MTR: variants seen among roughly 807,000 people sequenced by gnomAD.
The protein encoded by MTR is 5-methyltetrahydrofolate-homocysteine methyltransferase, also known as methionine synthase.
A neutral mutation model predicts 154.8 loss-of-function variants in MTR; 84 were observed. The ratio of observed to expected loss-of-function variants is 0.54; its 90% CI spans 0.45 to 0.65. The LOEUF is 0.65. Among genes scored for constraint, MTR ranks in the 30% least tolerant of loss-of-function variants. MTR has a pLI of 0.00. For missense variants in MTR, 1,275 were observed against 1,570.2 expected (o/e 0.81, Z 3.18); for synonymous variants, 554 against 553.9 (o/e 1.00, Z 0.00).
Position 236,884,775 on chromosome 1 carries a change from G to A in MTR, c.2677-346G>A, listed in dbSNP as rs1558338004. 4.6e-5 allele frequency among the ~76,000 whole-genome samples: 7 copies of A among 152,028 alleles called. 1 individual carries two copies. In the South Asian group the frequency reaches 1.5e-3, roughly 32 times the overall value. On this transcript the variant is annotated intron_variant, in intron 25 of 32. Transcript: ENST00000366577. ...GCAGAGGTCAAACATAAGCATGAGCGAAGGTCCCCCACCATAAATCAGACT... is the reference window on the plus strand; with the variant it reads ...GCAGAGGTCAAACATAAGCATGAGCAAAGGTCCCCCACCATAAATCAGACT...
chr1:236,846,418 C>T (rs1393546103), intron 15 of MTR, among the ~76,000 whole-genome samples: 1 of 152,150 alleles, frequency 6.6e-6, no homozygotes, highest in Non-Finnish European at 1.5e-5. Flanking sequence ...TTTGTTTGCA[C>T]ATGTGTAAAC....
intron 8 of MTR, among the ~76,000 whole-genome samples, chr1:236,818,101 G>A (rs186512499): frequency 1.3e-5 from 2 of 151,924 alleles, no homozygotes; most frequent in East Asian, 1.9e-4. Context: ...CTCTTTTCCC[G>A]CCCCTTTGCT....
rs1303797715 is a variant in MTR, at chr1:236,900,393, A to G, written c.*2749A>G. ...ATATGTAGTCTAAGCATACGTATAC[A>G]ATAAAACTATGCTATTAAAAAAAAA... On this transcript the variant is annotated 3_prime_UTR_variant, in exon 33 of 33. Transcript: ENST00000366577. 3 of 108,746 alleles carry G rather than the reference A, an allele frequency of 2.8e-5. No homozygotes were observed. Among genetic ancestry groups the G allele is most frequent in the African/African-American group, 1.2e-4 (3 of 26,026 alleles). The allele number at this position is 108,746 out of a possible 1,614,324, so 6.7% of individuals were successfully genotyped here.
intron 1 of MTR, among the ~76,000 whole-genome samples, chr1:236,802,697 T>C (rs974126119): frequency 1.3e-5 from 2 of 151,490 alleles, no homozygotes; most frequent in Non-Finnish European, 2.9e-5. Flanking sequence ...AAGTAGAAAT[T>C]GGGACAGTAG....
chr1:236,798,377 A>AC (rs964717300), intron 1 of MTR, among the ~76,000 whole-genome samples: 2 of 151,996 alleles, frequency 1.3e-5, no homozygotes, highest in African/African-American at 4.8e-5. Context: ...TAGCTGGTCT[A>AC]CCCCCCTCCA....
chr1:236,840,315 ATTC>A (rs777291934), intron 15 of MTR, among the ~76,000 whole-genome samples: 10 of 152,214 alleles, frequency 6.6e-5, no homozygotes, highest in Non-Finnish European at 1.3e-4. Context: ...GTGGGTATGT[ATTC>A]TTGTTATTTT....
At chr1:236,887,628 G>A (rs1666088977) in intron 27 of MTR, among the ~76,000 whole-genome samples, 1 of 152,360 alleles carries the variant, frequency 6.6e-6, no homozygotes, top group East Asian at 1.9e-4. Context: ...ACCTGGCAGC[G>A]GTTGGGATGC....
chr1:236,887,024 A>G (rs567681474), intron 27 of MTR, among the ~76,000 whole-genome samples: 4 of 152,130 alleles, frequency 2.6e-5, no homozygotes, highest in Non-Finnish European at 5.9e-5. Flanking sequence ...CTTGCCTCAT[A>G]TAGGTGTTCA....
In MTR at chr1:236,897,639, GA is replaced by G; in HGVS notation, c.3794del (p.Asp1265AlafsTer21). The G allele has an allele frequency of 6.2e-7, 1 of 1,604,754 alleles. No individual in the cohort carries two copies. The highest frequency in any genetic ancestry group is 8.5e-7 in the Non-Finnish European group (1 of 1,173,660). On this transcript the variant is annotated frameshift_variant, in exon 33 of 33. Transcript: ENST00000366577. LOFTEE classifies it high-confidence loss of function. ...WLGPILGYDTD is the reference protein window; with the variant it reads ...WLGPILGYDTX ...TGGACCCATTTTGGGATATGATACA[GA>G]CTAACTTTTTTTTTTTTTTTGCCTT... is the stretch of plus-strand genomic sequence containing the variant.
At chr1:236,832,731 C>G (rs575007280) in intron 13 of MTR, among the ~76,000 whole-genome samples, 13 of 152,240 alleles carry the variant, frequency 8.5e-5, no homozygotes, top group African/African-American at 2.9e-4. Context: ...TCCAACTTTC[C>G]TCACTTTTTT....
chr1:236,863,858 G>A (rs1479718065), intron 22 of MTR, among the ~76,000 whole-genome samples: 3 of 152,074 alleles, frequency 2.0e-5, no homozygotes, highest in Admixed American at 1.3e-4. Context: ...GCTAATAGCC[G>A]GAATATCAGG....
chr1:236,848,297 C>T (rs1474425114), intron 15 of MTR, among the ~76,000 whole-genome samples: 3 of 152,104 alleles, frequency 2.0e-5, no homozygotes, highest in African/African-American at 7.2e-5. Context: ...CCCTGCTTGG[C>T]CAGATAATAT....
chr1:236,830,373 C>T (rs1378808377), intron 12 of MTR, among the ~76,000 whole-genome samples: 1 of 151,810 alleles, frequency 6.6e-6, no homozygotes, highest in Non-Finnish European at 1.5e-5. Context: ...AAACATTCAG[C>T]CTTTGCCAAA....
intron 22 of MTR, among the ~76,000 whole-genome samples, chr1:236,868,567 A>G (rs1174520883): frequency 6.6e-6 from 1 of 152,224 alleles, no homozygotes. Flanking sequence ...AATTTTACAT[A>G]TACTCTGTAA....
At chr1:236,871,644 C>CT (rs1558326829) in intron 22 of MTR, among the ~76,000 whole-genome samples, 1 of 152,034 alleles carries the variant, frequency 6.6e-6, no homozygotes, top group Non-Finnish European at 1.5e-5. Flanking sequence ...AGGTACTAGA[C>CT]TTTCTTCAAT....
chr1:236,891,129 A>G lies in MTR; in HGVS notation c.3008-4A>G, dbSNP rs1224783275. On this transcript the variant is annotated splice_polypyrimidine_tract_variant and splice_region_variant and intron_variant, in intron 28 of 32. Transcript: ENST00000366577. The stretch of plus-strand genomic sequence containing the variant: ...AGTGAATTCTAATTCTGTTTTTCTA[A>G]TAGGTGGAGAGGCCAGGAAGGTCTA... 6 of 1,614,088 alleles carry G rather than the reference A, an allele frequency of 3.7e-6. No homozygotes were observed. Among genetic ancestry groups the G allele is most frequent in the Admixed American group, 1.7e-5 (1 of 60,014 alleles).
chr1:236,891,498 G>A (rs574714631), intron 29 of MTR, among the ~76,000 whole-genome samples, 169 bp downstream of exon 29: 27 of 152,228 alleles, frequency 1.8e-4, no homozygotes, highest in Admixed American at 5.2e-4. Context: ...CTGTGAGGAC[G>A]AGGGAGAGAA....
chr1:236,861,193 T>C lies in MTR; in HGVS notation c.2112T>C (p.Pro704=). Residue 704 remains proline (P), a synonymous_variant, in exon 20 of 33, where the codon CCT becomes CCC. Coordinates refer to ENST00000366577, the MANE Select transcript of MTR (RefSeq NM_000254.3). ...TAAACCAAAAAAAATATCCCCGACC[T>C]CTCAATATAATTGAAGGACCCCTGA... The part of the protein sequence containing the change: ...ARLNQKKYPR[P]LNIIEGPLMN... The C allele has an allele frequency of 6.2e-7, 1 of 1,604,376 alleles. No homozygotes were observed. The highest frequency in any genetic ancestry group is 8.5e-7 in the Non-Finnish European group (1 of 1,174,596).
chr1:236,813,990 A>G (rs1431789661), intron 6 of MTR, among the ~76,000 whole-genome samples: 4 of 152,188 alleles, frequency 2.6e-5, no homozygotes, highest in Non-Finnish European at 5.9e-5. Context: ...AAAAAAATGG[A>G]AAAATGGCCT....
Sources: allele counts gnomAD v4.1 joint callset (sites outside exome capture counted in the v4.1 genomes callset), GRCh38; gene constraint gnomAD v4.1.1; transcripts MANE v1.5; gene names NCBI Gene and HGNC (gene_info 2026-07-23, HGNC 2026-07-21).